Variants in DLGAP2 observed in about 807,000 individuals in gnomAD.
DLGAP2 encodes disks large-associated protein 2.
DLGAP2 carries 26 observed loss-of-function variants against 100.3 expected under a neutral mutation model. The observed-to-expected ratio is 0.26, with a 90% confidence interval of 0.19 to 0.36. DLGAP2 has a LOEUF of 0.36. Among genes scored for constraint, DLGAP2 ranks in the 10% least tolerant of loss-of-function variants. DLGAP2 has a pLI of 1.00. For synonymous variants in DLGAP2, 886 were observed against 630.1 expected (o/e 1.41, Z -6.08); for missense variants, 1,858 against 1,453.2 (o/e 1.28, Z -4.53).
intron 1 of DLGAP2, among the ~76,000 whole-genome samples, chr8:874,646 G>T (rs1212329707): frequency 1.3e-5 from 2 of 152,096 alleles, no homozygotes; most frequent in African/African-American, 2.4e-5. Flanking sequence ...TATATTCTGG[G>T]AATGTTTTAT....
rs143788060 is a variant in DLGAP2, at chr8:1,559,484, G to A, written c.1231-6199G>A. Reference sequence around the variant, plus strand: ...GATTTGGTACTTGAATTCATGCTTTGAAATTGACTCTGGTTGACATTCTTT... The same window carrying A: ...GATTTGGTACTTGAATTCATGCTTTAAAATTGACTCTGGTTGACATTCTTT... On this transcript the variant is annotated intron_variant, in intron 5 of 14. Transcript: ENST00000637795. Among the ~76,000 whole-genome samples, 8 of 152,282 alleles carry A rather than the reference G, an allele frequency of 5.3e-5. No individual in the cohort carries two copies. The East Asian group carries it at 1.5e-3, about 29-fold the overall frequency.
chr8:1,215,434 C>A (rs986239085), intron 2 of DLGAP2, among the ~76,000 whole-genome samples: 2 of 150,780 alleles, frequency 1.3e-5, no homozygotes. Context: ...CGTCCAGGTA[C>A]CTGGATGGGT....
intron 6 of DLGAP2, among the ~76,000 whole-genome samples, chr8:1,598,984 A>G (rs1053460177): frequency 1.3e-5 from 2 of 152,052 alleles, no homozygotes; most frequent in Non-Finnish European, 2.9e-5. Flanking sequence ...GATCTTTCCC[A>G]CTTTCTCCTG....
At chr8:1,507,207 G>A (rs56268631) in intron 4 of DLGAP2, among the ~76,000 whole-genome samples, 5,063 of 152,314 alleles carry the variant, frequency 0.033, 285 homozygotes, top group African/African-American at 0.11. Flanking sequence ...CGGAGCAGGG[G>A]GCAGCGTCCA....
chr8:975,674 C>G (rs1584939373), intron 2 of DLGAP2, among the ~76,000 whole-genome samples: 1 of 152,074 alleles, frequency 6.6e-6, no homozygotes, highest in East Asian at 1.9e-4. Context: ...TTGCCAAAAC[C>G]CAGCACCCAT....
chr8:1,173,052 G>C (rs1048106481), intron 2 of DLGAP2, among the ~76,000 whole-genome samples: 10 of 152,068 alleles, frequency 6.6e-5, no homozygotes, highest in African/African-American at 2.2e-4. Flanking sequence ...TGTACAGATG[G>C]GTTTTTGGTG....
intron 1 of DLGAP2, among the ~76,000 whole-genome samples, chr8:840,495 G>C (rs1470724461): frequency 2.0e-4 from 21 of 102,900 alleles, no homozygotes; most frequent in South Asian, 1.3e-3. Context: ...CCTACACTCT[G>C]GATTCTGCGA....
chr8:1,679,497 T>C (rs1409987872), intron 12 of DLGAP2, among the ~76,000 whole-genome samples: 1 of 151,488 alleles, frequency 6.6e-6, no homozygotes, highest in African/African-American at 2.4e-5. Context: ...GTGTCATTCC[T>C]CTACCAGAGT....
At chr8:785,143 G>T (rs1821804041) in intron 1 of DLGAP2, among the ~76,000 whole-genome samples, 2 of 149,700 alleles carry the variant, frequency 1.3e-5, no homozygotes, top group South Asian at 2.1e-4. Context: ...GGTGAACCTG[G>T]GAGGCGGAGT....
In DLGAP2 at chr8:1,375,136, C is replaced by T. The variant is rs562035510; in HGVS notation, c.106+116253C>T. ...TACATTTGGGTTAACGACACCTCTCCACGACCTCAGAACTGATCCCCCACC... is the reference window on the plus strand; with the variant it reads ...TACATTTGGGTTAACGACACCTCTCTACGACCTCAGAACTGATCCCCCACC... On this transcript the variant is annotated intron_variant, in intron 3 of 14. Transcript: ENST00000637795. Among the ~76,000 whole-genome samples, 219 of 135,732 alleles carry T rather than the reference C, an allele frequency of 1.6e-3. 7 individuals carry two copies. The highest frequency in any genetic ancestry group is 1.6e-3 in the Admixed American group (21 of 13,408). 89.0% of individuals were successfully genotyped at this position (135,732 alleles called of 152,430 possible).
At chr8:1,297,293 A>G (rs1800204357) in intron 3 of DLGAP2, 1 of 152,224 alleles carries the variant, frequency 6.6e-6, no homozygotes, top group Non-Finnish European at 1.5e-5. Flanking sequence ...CGTCAGAAAA[A>G]CATGTCTCCC....
chr8:1,464,818 G>C (rs1340855556), intron 3 of DLGAP2, among the ~76,000 whole-genome samples: 1 of 152,220 alleles, frequency 6.6e-6, no homozygotes, highest in African/African-American at 2.4e-5. Context: ...GATTGCAGCA[G>C]GATGATCATT....
At chr8:1,490,443 T>A (rs1799347221) in intron 3 of DLGAP2, among the ~76,000 whole-genome samples, 2 of 152,196 alleles carry the variant, frequency 1.3e-5, no homozygotes, top group Non-Finnish European at 2.9e-5. Flanking sequence ...TATTTTTTTA[T>A]GTTAAAATGC....
intron 2 of DLGAP2, among the ~76,000 whole-genome samples, chr8:1,074,114 T>C (rs2600490): frequency 3.4e-3 from 204 of 59,260 alleles, no homozygotes; most frequent in South Asian, 0.012. Flanking sequence ...CAGGATTCAC[T>C]GTCACAGAAG....
chr8:1,224,020 G>A (rs1381584001), intron 2 of DLGAP2, among the ~76,000 whole-genome samples: 1 of 152,146 alleles, frequency 6.6e-6, no homozygotes, highest in Non-Finnish European at 1.5e-5. Flanking sequence ...GGATTAATAT[G>A]AAGGCAGATT....
chr8:906,883 T>C (rs763468392), intron 1 of DLGAP2, among the ~76,000 whole-genome samples: 7 of 152,236 alleles, frequency 4.6e-5, no homozygotes, highest in Non-Finnish European at 8.8e-5. Context: ...AGTTGAAAAT[T>C]GGTGATACTG....
At chr8:1,666,705 G>A (rs2130835143) in intron 8 of DLGAP2, among the ~76,000 whole-genome samples, 1 of 151,820 alleles carries the variant, frequency 6.6e-6, no homozygotes, top group Non-Finnish European at 1.5e-5. Context: ...TCTCCACTTT[G>A]TAAATGTTAA....
Position 1,212,976 on chromosome 8 carries a change from A to G in DLGAP2, c.74-45875A>G, listed in dbSNP as rs111808885. On this transcript the variant is annotated intron_variant, in intron 2 of 14. Transcript: ENST00000637795. ...TTATGAGGTTTATTCTATTTATTAT[A>G]TGCCATTGTTGCTCTTACGGCAGAG... Among the ~76,000 whole-genome samples the G allele has an allele frequency of 5.0e-4, 76 of 152,122 alleles. 1 individual carries two copies. Among genetic ancestry groups the G allele is most frequent in the African/African-American group, 1.7e-3 (71 of 41,522 alleles).
intron 2 of DLGAP2, among the ~76,000 whole-genome samples, chr8:998,509 C>T (rs997645335): frequency 6.6e-6 from 1 of 151,526 alleles, no homozygotes; most frequent in African/African-American, 2.4e-5. Context: ...CACTGTGTCA[C>T]CCAGGTTGAT....
Sources: gnomAD v4.1 joint callset for allele counts (sites outside exome capture counted in the v4.1 genomes callset) on GRCh38, gnomAD v4.1.1 for gene constraint, MANE v1.5 for transcripts, NCBI Gene and HGNC (gene_info 2026-07-23, HGNC 2026-07-21) for gene names.